Variants in GSTCD observed in about 807,000 individuals in gnomAD.
GSTCD encodes glutathione S-transferase C-terminal domain-containing protein.
In GSTCD, 44 loss-of-function variants were observed where a neutral mutation model predicts 68.3. The observed-to-expected ratio is 0.64, with a 90% confidence interval of 0.51 to 0.83. GSTCD has a LOEUF of 0.83. Among genes scored for constraint, GSTCD ranks in the 40% least tolerant of loss-of-function variants. The pLI, the probability that GSTCD is intolerant of heterozygous loss-of-function variation, is 0.00. For missense variants in GSTCD, 739 were observed against 735.9 expected (o/e 1.00, Z -0.05); for synonymous variants, 273 against 255.2 (o/e 1.07, Z -0.67).
At chr4:105,802,646 T>C (rs140263283) in intron 5 of GSTCD, among the ~76,000 whole-genome samples, 161 of 152,248 alleles carry the variant, frequency 1.1e-3, no homozygotes, top group African/African-American at 3.7e-3. Flanking sequence ...TTACATTTCA[T>C]CATCTATTCA....
At chr4:105,794,718 A>G (rs558687299) in intron 5 of GSTCD, among the ~76,000 whole-genome samples, 10 of 152,026 alleles carry the variant, frequency 6.6e-5, no homozygotes, top group South Asian at 6.2e-4. Context: ...AAGTATATTC[A>G]TATATGAAAT....
intron 5 of GSTCD, among the ~76,000 whole-genome samples, chr4:105,807,605 T>G (rs1008561293): frequency 2.0e-4 from 31 of 152,116 alleles, no homozygotes; most frequent in African/African-American, 6.8e-4. Flanking sequence ...CTATTTCCTC[T>G]ATTAGATGAA....
At chr4:105,734,096 C>T (rs182708913) in intron 5 of GSTCD, among the ~76,000 whole-genome samples, 1 of 152,190 alleles carries the variant, frequency 6.6e-6, no homozygotes, top group Admixed American at 6.5e-5. Flanking sequence ...GTACCCCGAC[C>T]TTTCTCTCTG....
chr4:105,769,233 G>GATCACACACACA (rs139425249), intron 5 of GSTCD, among the ~76,000 whole-genome samples: 98 of 146,338 alleles, frequency 6.7e-4, no homozygotes, highest in Middle Eastern at 3.5e-3. Flanking sequence ...ATACACGCGC[G>GATCACACACACA]CACACACACA....
In GSTCD at chr4:105,717,727, A is replaced by G. The variant is rs758036392; in HGVS notation, c.114A>G (p.Leu38=). The part of the protein sequence containing the change: ...PLHTSVTLFL[L]SYCDCKIFKI... ...ATACATCTGTAACTTTATTTCTGTT[A>G]TCTTACTGTGACTGTAAAATCTTTA... Residue 38 remains leucine (L), a synonymous_variant, in exon 2 of 12, where the codon TTA becomes TTG. Coordinates refer to ENST00000515279, the MANE Select transcript of GSTCD (RefSeq NM_001370181.1). The G allele has an allele frequency of 5.0e-6, 8 of 1,613,736 alleles. No homozygotes were observed. Among genetic ancestry groups the G allele is most frequent in the East Asian group, 2.2e-5 (1 of 44,862 alleles).
intron 5 of GSTCD, among the ~76,000 whole-genome samples, chr4:105,794,922 G>A (rs916403540): frequency 6.6e-6 from 1 of 151,306 alleles, no homozygotes; most frequent in Non-Finnish European, 1.5e-5. Flanking sequence ...TGTCGCCCAG[G>A]CTGGAGTGCA....
chr4:105,811,721 G>A (rs770989567), intron 5 of GSTCD, among the ~76,000 whole-genome samples: 1 of 152,030 alleles, frequency 6.6e-6, no homozygotes, highest in Non-Finnish European at 1.5e-5. Context: ...TATCAGCAGT[G>A]GGGGAACCAA....
Position 105,766,887 on chromosome 4 carries a change from C to CTTTTTTT in GSTCD, c.1240+37407_1240+37413dup. ...CAAAAGCATGAATAGGTTTTTGACT[C>CTTTTTTT]TTTTTTTTTTTTTTTTTTTTTTTTT... On this transcript the variant is annotated intron_variant, in intron 5 of 11. Coordinates refer to ENST00000515279, the MANE Select transcript of GSTCD (RefSeq NM_001370181.1). Among the ~76,000 whole-genome samples, 52 of 57,124 alleles carry CTTTTTTT rather than the reference C, an allele frequency of 9.1e-4. 2 individuals are homozygous for CTTTTTTT. Among genetic ancestry groups the CTTTTTTT allele is most frequent in the African/African-American group, 1.9e-3 (24 of 12,440 alleles). 37.5% of individuals were successfully genotyped at this position (57,124 alleles called of 152,430 possible). A position where few individuals can be genotyped will look rare whatever the true frequency, so the allele number is the denominator to read the frequency against.
intron 5 of GSTCD, among the ~76,000 whole-genome samples, chr4:105,750,758 A>G (rs1427613761): frequency 6.6e-6 from 1 of 152,162 alleles, no homozygotes. Context: ...ATATCCTTCA[A>G]TAGGTGAGTA....
chr4:105,816,456 G>A (rs1473846162), intron 5 of GSTCD, among the ~76,000 whole-genome samples: 2 of 152,022 alleles, frequency 1.3e-5, no homozygotes, highest in South Asian at 2.1e-4. Context: ...TAAACAGAGT[G>A]ACTTAGGAGA....
In GSTCD at chr4:105,717,883, G is replaced by A; in HGVS notation, c.270G>A (p.Leu90=). 6.2e-7 allele frequency: 1 copy of A among 1,614,090 alleles called. No individual in the cohort carries two copies. The highest frequency in any genetic ancestry group is 8.5e-7 in the Non-Finnish European group (1 of 1,180,010). The change falls in exon 2 of 12, where the codon TTG becomes TTA. Residue 90 remains leucine, a synonymous_variant. Transcript: ENST00000515279. The part of the protein sequence containing the change: ...ELPPIVQNCC[L]PAVVERSDNF... Reference sequence around the variant, plus strand: ...CACCAATAGTCCAAAATTGCTGTTTGCCTGCAGTAGTAGAACGATCAGACA... The same window carrying A: ...CACCAATAGTCCAAAATTGCTGTTTACCTGCAGTAGTAGAACGATCAGACA...
intron 5 of GSTCD, among the ~76,000 whole-genome samples, chr4:105,781,403 A>C (rs1578469745): frequency 6.7e-6 from 1 of 148,210 alleles, no homozygotes; most frequent in Non-Finnish European, 1.5e-5. Context: ...GTGTGCCATC[A>C]TGCTCAGCTT....
chr4:105,832,863 T>G (rs1723950833), intron 8 of GSTCD, among the ~76,000 whole-genome samples: 1 of 152,222 alleles, frequency 6.6e-6, no homozygotes. Flanking sequence ...ATTAGCCTGT[T>G]TTTTACTCTG....
intron 5 of GSTCD, among the ~76,000 whole-genome samples, chr4:105,793,519 A>G (rs1165309836): frequency 1.3e-5 from 2 of 151,966 alleles, no homozygotes; most frequent in African/African-American, 2.4e-5. Context: ...TTCATTCTTA[A>G]AAATGCCTAT....
intron 1 of GSTCD, among the ~76,000 whole-genome samples, chr4:105,715,698 A>G (rs1234958463): frequency 6.6e-6 from 1 of 151,636 alleles, no homozygotes; most frequent in Non-Finnish European, 1.5e-5. Flanking sequence ...GATTTAAAAT[A>G]TTAAAGAAAA....
In GSTCD at chr4:105,718,053, C is replaced by A. The variant is rs777116214; in HGVS notation, c.426+14C>A. The A allele has an allele frequency of 1.9e-6, 3 of 1,562,294 alleles. No individual in the cohort carries two copies. The East Asian group carries it at 6.7e-5, about 35-fold the overall frequency. ...GCCTGTGCTGAAGTAAGTATAATGT[C>A]TTTTTTCTGTTATTTGAAGCTACAC... On this transcript the variant is annotated intron_variant, in intron 2 of 11. Coordinates refer to ENST00000515279, the MANE Select transcript of GSTCD (RefSeq NM_001370181.1).
intron 5 of GSTCD, among the ~76,000 whole-genome samples, chr4:105,813,705 C>G (rs1425874523): frequency 6.6e-6 from 1 of 152,166 alleles, no homozygotes; most frequent in African/African-American, 2.4e-5. Context: ...TACCTAAAGA[C>G]TATTGCATCA....
chr4:105,808,138 A>G (rs981261581), intron 5 of GSTCD, among the ~76,000 whole-genome samples: 9 of 152,090 alleles, frequency 5.9e-5, no homozygotes, highest in African/African-American at 2.2e-4. Context: ...GCTGCATTTG[A>G]CAAAGTTGAT....
intron 5 of GSTCD, among the ~76,000 whole-genome samples, chr4:105,785,593 T>G (rs1735435547): frequency 6.6e-6 from 1 of 152,214 alleles, no homozygotes; most frequent in African/African-American, 2.4e-5. Context: ...CACACTTTCA[T>G]GCTTAAAACA....
Sources: allele counts gnomAD v4.1 joint callset (sites outside exome capture counted in the v4.1 genomes callset), GRCh38; gene constraint gnomAD v4.1.1; transcripts MANE v1.5; gene names NCBI Gene and HGNC (gene_info 2026-07-23, HGNC 2026-07-21).